Variants in CCDC136 observed in about 807,000 individuals in gnomAD.
The protein encoded by CCDC136 is coiled-coil domain-containing protein 136.
A neutral mutation model predicts 141.2 loss-of-function variants in CCDC136; 100 were observed. The ratio of observed to expected loss-of-function variants is 0.71; its 90% CI spans 0.60 to 0.84. The LOEUF is 0.84. Among genes scored for constraint, CCDC136 ranks in the 40% least tolerant of loss-of-function variants. The pLI, the probability that CCDC136 is intolerant of heterozygous loss-of-function variation, is 0.00. For synonymous variants in CCDC136, 474 were observed against 531.9 expected, an observed-to-expected ratio of 0.89 and a Z score of 1.50; for missense variants, 1,206 against 1,379.4, an observed-to-expected ratio of 0.87 and a Z score of 1.99.
At chr7:128,796,553 G>A (rs1802972574) in intron 3 of CCDC136, among the ~76,000 whole-genome samples, 1 of 151,782 alleles carries the variant, frequency 6.6e-6, no homozygotes, top group African/African-American at 2.4e-5. Flanking sequence ...GGAATGGGAT[G>A]ATACGATCTG....
upstream of CCDC136, chr7:128,791,655 T>TCTCCGCCCAAAGTCTTC (rs1802178172): frequency 1.4e-6 from 1 of 739,410 alleles, no homozygotes; most frequent in Non-Finnish European, 1.9e-6. The surrounding 1 kb of genome is among the most constrained non-coding windows in gnomAD (Gnocchi z 7.1). Flanking sequence ...GGCTCCCCTT[T>TCTCCGCCCAAAGTCTTC]CTCCGCCCAA....
At position 128,815,800 on chromosome 7, in the gene CCDC136, C is replaced by G; in HGVS notation, c.3232C>G (p.Gln1078Glu). Residue 1078 changes from glutamine (Q) to glutamate (E), a missense_variant, in exon 16 of 18, where the codon CAG becomes GAG. Physicochemically the swap from Gln to Glu is conservative, Grantham distance 29. Coordinates refer to ENST00000297788, the MANE Select transcript of CCDC136 (RefSeq NM_022742.5). ...DPEEAKSTED[Q>E]EENEEDKEEE... ...TGAGGAAGCTAAATCCACAGAAGATCAGGAGGAAAATGAAGAGGACAAAGA... is the reference window on the plus strand; with the variant it reads ...TGAGGAAGCTAAATCCACAGAAGATGAGGAGGAAAATGAAGAGGACAAAGA... 2 of 1,598,484 alleles carry G rather than the reference C, an allele frequency of 1.3e-6. No individual in the cohort carries two copies. Among genetic ancestry groups the G allele is most frequent in the South Asian group, 1.1e-5 (1 of 88,212 alleles).
upstream of CCDC136, chr7:128,791,733 C>T (rs1422481852): frequency 7.0e-6 from 3 of 427,568 alleles, no homozygotes; most frequent in Non-Finnish European, 1.2e-5. The surrounding 1 kb of genome is among the most constrained non-coding windows in gnomAD (Gnocchi z 7.1). Context: ...GGGACTGAGG[C>T]TTCCGCGCAC....
In CCDC136 at chr7:128,821,779, T is replaced by A; in HGVS notation, c.*6-20T>A. ...GGTTCAGGAGGCTGGGCACTCACAGTTTCTCTTTGGTCCCCACAGAACATG... is the reference window on the plus strand; with the variant it reads ...GGTTCAGGAGGCTGGGCACTCACAGATTCTCTTTGGTCCCCACAGAACATG... On this transcript the variant is annotated intron_variant, in intron 17 of 17. Coordinates refer to ENST00000297788, the MANE Select transcript of CCDC136 (RefSeq NM_022742.5). This position sits in a 1 kb window ranked among gnomAD's most constrained non-coding sequence, Gnocchi z 5.1. The A allele has an allele frequency of 2.3e-6, 3 of 1,290,400 alleles. No individual in the cohort carries two copies. Among genetic ancestry groups the A allele is most frequent in the Non-Finnish European group, 3.0e-6 (3 of 988,956 alleles). 79.9% of individuals were successfully genotyped at this position (1,290,400 alleles called of 1,614,324 possible).
At chr7:128,795,190 C>T (rs1802761903) in intron 3 of CCDC136, among the ~76,000 whole-genome samples, 1 of 152,132 alleles carries the variant, frequency 6.6e-6, no homozygotes, top group Non-Finnish European at 1.5e-5. Flanking sequence ...AGCATGAAGC[C>T]AATGAGAAGT....
chr7:128,820,411 C>G (rs1053848164), intron 17 of CCDC136, among the ~76,000 whole-genome samples: 1 of 152,202 alleles, frequency 6.6e-6, no homozygotes, highest in Non-Finnish European at 1.5e-5. Context: ...CTTTGGGACA[C>G]CCACACCAGC....
chr7:128,796,811 G>T (rs1178091203), intron 3 of CCDC136, among the ~76,000 whole-genome samples: 3 of 140,772 alleles, frequency 2.1e-5, no homozygotes, highest in Non-Finnish European at 3.1e-5. Context: ...GCGGGATCTC[G>T]GCTCACTGCA....
intron 3 of CCDC136, among the ~76,000 whole-genome samples, chr7:128,800,737 G>A (rs1803899721): frequency 1.3e-5 from 2 of 152,242 alleles, no homozygotes; most frequent in African/African-American, 2.4e-5. Context: ...ACCACAGGTA[G>A]GTCATGGGAA....
At chr7:128,799,857 CT>C (rs770599140) in intron 3 of CCDC136, among the ~76,000 whole-genome samples, 4 of 152,220 alleles carry the variant, frequency 2.6e-5, no homozygotes, top group East Asian at 3.8e-4. Context: ...ACTCTCTCCA[CT>C]TTTTCGTTCT....
At position 128,794,609 on chromosome 7, in the gene CCDC136, G is replaced by C; in HGVS notation, c.271+7G>C. 6.5e-7 allele frequency: 1 copy of C among 1,542,536 alleles called. No individual in the cohort carries two copies. Among genetic ancestry groups the C allele is most frequent in the Non-Finnish European group, 8.8e-7 (1 of 1,142,352 alleles). ...GACTCCTTGGAGCTACAGGGTGAGT[G>C]CCTGGGCCAGGGCCCAGTGCCCGGG... On this transcript the variant is annotated splice_region_variant and intron_variant, in intron 2 of 17. Transcript: ENST00000297788. The surrounding 1 kb of genome is among the most constrained non-coding windows in gnomAD (Gnocchi z 4.3).
chr7:128,809,501 A>G lies in CCDC136; in HGVS notation c.1657A>G (p.Ser553Gly). Residue 553 changes from serine to glycine, a missense_variant, in exon 11 of 18, where the codon AGC (serine) becomes GGC (glycine). Physicochemically the swap from Ser to Gly is moderately conservative, Grantham distance 56. Coordinates refer to ENST00000297788, the MANE Select transcript of CCDC136 (RefSeq NM_022742.5). ...LTELQEKYKA[S>G]QKEMGQLQME... Reference sequence around the variant, plus strand: ...AGAATTGCAGGAAAAGTACAAGGCCAGCCAGAAGGAGATGGGGCAGCTGCA... The same window carrying G: ...AGAATTGCAGGAAAAGTACAAGGCCGGCCAGAAGGAGATGGGGCAGCTGCA... 2 of 1,510,310 alleles carry G rather than the reference A, an allele frequency of 1.3e-6. No individual in the cohort carries two copies. The highest frequency in any genetic ancestry group is 1.2e-5 in the South Asian group (1 of 83,468). The allele number at this position is 1,510,310 out of a possible 1,614,324, so 93.6% of individuals were successfully genotyped here.
chr7:128,811,483 G>A (rs138476452), intron 12 of CCDC136: 246 of 432,818 alleles, frequency 5.7e-4, no homozygotes, highest in African/African-American at 4.7e-3. Flanking sequence ...AGAGGGTGTG[G>A]TAGGGAGCCA....
Position 128,815,572 on chromosome 7 carries a change from C to G in CCDC136, c.3046-42C>G, listed in dbSNP as rs1292264431. 5.9e-6 allele frequency: 9 copies of G among 1,518,350 alleles called. No individual in the cohort carries two copies. The South Asian group carries it at 6.4e-5, about 11-fold the overall frequency. 94.1% of individuals were successfully genotyped at this position (1,518,350 alleles called of 1,614,324 possible). ...CATTGTCATGAGATTAGGAGCTTCA[C>G]AGGTAACGCAGCCGCCATCCTGCCC... On this transcript the variant is annotated intron_variant, in intron 15 of 17. Transcript: ENST00000297788.
intron 17 of CCDC136, among the ~76,000 whole-genome samples, chr7:128,820,686 A>G (rs1807323691): frequency 1.3e-5 from 2 of 151,528 alleles, no homozygotes; most frequent in South Asian, 4.2e-4. Flanking sequence ...GTAACTTTGA[A>G]CTCCCGGTCT....
At chr7:128,803,006 C>G (rs543420458) in intron 4 of CCDC136, among the ~76,000 whole-genome samples, 1 of 152,202 alleles carries the variant, frequency 6.6e-6, no homozygotes, top group Non-Finnish European at 1.5e-5. Context: ...ATATGGTAAT[C>G]TGCAGTATTC....
At chr7:128,793,141 A>G (rs1802447472) in intron 1 of CCDC136, among the ~76,000 whole-genome samples, 1 of 152,250 alleles carries the variant, frequency 6.6e-6, no homozygotes, top group East Asian at 1.9e-4. Flanking sequence ...AAGACCAGAG[A>G]TTCAGAATTT....
At position 128,794,319 on chromosome 7, in the gene CCDC136, C is replaced by A. The variant is rs1206201140; in HGVS notation, c.17-29C>A. The stretch of plus-strand genomic sequence containing the variant: ...ACGGCAGAAAGGAAGTTGATGCTGA[C>A]TCCTTGGTGGGATGGCTGTGTCTCC... On this transcript the variant is annotated intron_variant, in intron 1 of 17. Transcript: ENST00000297788. The surrounding 1 kb of genome is among the most constrained non-coding windows in gnomAD (Gnocchi z 4.3). 3 of 1,551,600 alleles carry A rather than the reference C, an allele frequency of 1.9e-6. No individual in the cohort carries two copies. The highest frequency in any genetic ancestry group is 2.0e-5 in the Admixed American group (1 of 50,964).
At position 128,811,817 on chromosome 7, in the gene CCDC136, G is replaced by T; in HGVS notation, c.2046G>T (p.Met682Ile). ...CNRNKQSKLL[M>I]EQMQALQVMY... ...GCCCCCAGCAATCCAAGCTGCTCAT[G>T]GAGCAGATGCAGGCCCTGCAGGTGA... The change falls in exon 13 of 18, where the codon ATG becomes ATT. Residue 682 changes from methionine to isoleucine, a missense_variant. Physicochemically the swap from Met to Ile is conservative, Grantham distance 10. Coordinates refer to ENST00000297788, the MANE Select transcript of CCDC136 (RefSeq NM_022742.5). 6.3e-7 allele frequency: 1 copy of T among 1,585,036 alleles called. No homozygotes were observed. Among genetic ancestry groups the T allele is most frequent in the Non-Finnish European group, 8.6e-7 (1 of 1,168,334 alleles).
rs1357298594 is a variant in CCDC136, at chr7:128,815,641, G to A, written c.3073G>A (p.Ala1025Thr). 1.3e-6 allele frequency: 2 copies of A among 1,556,184 alleles called. No homozygotes were observed. Among genetic ancestry groups the A allele is most frequent in the African/African-American group, 2.7e-5 (2 of 73,274 alleles). ...KSLEVVLYYKASQRKLDGLAK... is the reference protein window; with the variant it reads ...KSLEVVLYYKTSQRKLDGLAK... ...TCTGGAGGTAGTGCTGTACTACAAG[G>A]CCAGCCAGAGGAAATTAGATGGACT... Residue 1025 changes from alanine (A) to threonine (T), a missense_variant, in exon 16 of 18, where the codon GCC (alanine) becomes ACC (threonine). Ala to Thr is a moderately conservative substitution (Grantham distance 58). Coordinates refer to ENST00000297788, the MANE Select transcript of CCDC136 (RefSeq NM_022742.5).
Sources: gnomAD v4.1 joint callset for allele counts (sites outside exome capture counted in the v4.1 genomes callset) on GRCh38, gnomAD v4.1.1 for gene constraint, Gnocchi (gnomAD v3.1) non-coding constraint, MANE v1.5 for transcripts, NCBI Gene and HGNC (gene_info 2026-07-23, HGNC 2026-07-21) for gene names.